The following TSHZ2 variants were observed in gnomAD, a reference collection of about 807,000 sequenced individuals.
The protein encoded by TSHZ2 is teashirt zinc finger homeobox 2, also known as teashirt homolog 2.
Under a neutral mutation model 74.4 loss-of-function variants are expected in TSHZ2, and 21 were observed. That is an observed-to-expected ratio of 0.28 (90% CI 0.20 to 0.41). The LOEUF (loss-of-function observed/expected upper bound fraction) is 0.41, where lower values mean the gene tolerates loss of function less well. Among genes scored for constraint, TSHZ2 ranks in the 10% least tolerant of loss-of-function variants. The pLI is 1.00. For missense variants in TSHZ2, 1,244 were observed against 1,293.5 expected, an observed-to-expected ratio of 0.96 and a Z score of 0.59; for synonymous variants, 540 against 515.3, an observed-to-expected ratio of 1.05 and a Z score of -0.65.
intron 2 of TSHZ2, among the ~76,000 whole-genome samples, chr20:53,418,730 G>A (rs1983361826): frequency 6.6e-6 from 1 of 152,114 alleles, no homozygotes; most frequent in African/African-American, 2.4e-5. Context: ...TTTCCTAAAT[G>A]AGAAGAGTCC....
chr20:53,390,364 C>T (rs1600601162), intron 2 of TSHZ2, among the ~76,000 whole-genome samples: 1 of 152,140 alleles, frequency 6.6e-6, no homozygotes, highest in East Asian at 1.9e-4. Context: ...TTTCTGTATA[C>T]ACTAGTGGTG....
intron 2 of TSHZ2, among the ~76,000 whole-genome samples, chr20:53,340,131 G>A (rs1207551554): frequency 6.6e-6 from 1 of 151,074 alleles, no homozygotes; most frequent in African/African-American, 2.4e-5. Context: ...GGGGGGAAGA[G>A]CAGCCAATGC....
intron 2 of TSHZ2, among the ~76,000 whole-genome samples, chr20:53,428,088 A>G (rs1019212060): frequency 6.6e-6 from 1 of 152,184 alleles, no homozygotes; most frequent in Admixed American, 6.5e-5. Context: ...CTCAGTCCAA[A>G]TCATTCTCCA....
intron 1 of TSHZ2, among the ~76,000 whole-genome samples, chr20:53,057,983 C>T (rs768583484): frequency 6.6e-6 from 1 of 152,044 alleles, no homozygotes; most frequent in Non-Finnish European, 1.5e-5. Flanking sequence ...TCATGGAGGA[C>T]GATTTTTCTA....
At chr20:53,106,172 G>A (rs1421790452) in intron 1 of TSHZ2, among the ~76,000 whole-genome samples, 1 of 151,946 alleles carries the variant, frequency 6.6e-6, no homozygotes, top group African/African-American at 2.4e-5. Flanking sequence ...CTGTGCAATA[G>A]AACACCAGAA....
chr20:53,245,236 A>G (rs1990174190), intron 1 of TSHZ2, among the ~76,000 whole-genome samples: 1 of 152,236 alleles, frequency 6.6e-6, no homozygotes, highest in Non-Finnish European at 1.5e-5. Flanking sequence ...GAAAGTTTTC[A>G]GTAATTTTCC....
At chr20:53,392,893 G>A (rs112872693) in intron 2 of TSHZ2, among the ~76,000 whole-genome samples, 1,646 of 152,124 alleles carry the variant, frequency 0.011, 34 homozygotes, top group African/African-American at 0.037. Context: ...GGAGCACAGC[G>A]GCATGATCTG....
chr20:53,412,176 C>T lies in TSHZ2; in HGVS notation c.*9-74968C>T, dbSNP rs372242120. Reference sequence around the variant, plus strand: ...CAGAGTCAGAAAAGTCAGGTTAACACGTCCGGTCCTGCTCTGGGCTGGAGG... The same window carrying T: ...CAGAGTCAGAAAAGTCAGGTTAACATGTCCGGTCCTGCTCTGGGCTGGAGG... On this transcript the variant is annotated intron_variant, in intron 2 of 2. Transcript: ENST00000371497. 7.9e-5 allele frequency among the ~76,000 whole-genome samples: 12 copies of T among 152,324 alleles called. No individual in the cohort carries two copies. In the East Asian group the frequency reaches 2.1e-3, roughly 27 times the overall value.
chr20:53,082,454 G>A (rs1288909640), intron 1 of TSHZ2, among the ~76,000 whole-genome samples: 1 of 152,198 alleles, frequency 6.6e-6, no homozygotes, highest in African/African-American at 2.4e-5. Context: ...TGTAGAACAC[G>A]CTGATTGCAT....
Position 53,463,380 on chromosome 20 carries a change from G to C in TSHZ2, c.*9-23764G>C, listed in dbSNP as rs534714556. Among the ~76,000 whole-genome samples, 83 of 68,636 alleles carry C rather than the reference G, an allele frequency of 1.2e-3. 1 individual carries two copies. The highest frequency in any genetic ancestry group is 4.9e-3 in the African/African-American group (78 of 16,068). 45.0% of individuals were successfully genotyped at this position (68,636 alleles called of 152,430 possible). On this transcript the variant is annotated intron_variant, in intron 2 of 2. Transcript: ENST00000371497. ...CCCTGTCTTGAAAGACAGAGAGAGA[G>C]AGGAAGGAAGGAAGGAAGGAAGGAA...
chr20:53,271,406 G>C (rs902595268), intron 2 of TSHZ2, among the ~76,000 whole-genome samples: 1 of 152,186 alleles, frequency 6.6e-6, no homozygotes, highest in Non-Finnish European at 1.5e-5. Context: ...CCCTGTATCA[G>C]GCATGTAGAA....
intron 2 of TSHZ2, among the ~76,000 whole-genome samples, chr20:53,277,781 T>A (rs896967397): frequency 6.6e-6 from 1 of 152,202 alleles, no homozygotes; most frequent in African/African-American, 2.4e-5. Flanking sequence ...CTTGGAGAAT[T>A]GGATGCTGTC....
intron 1 of TSHZ2, among the ~76,000 whole-genome samples, chr20:53,083,218 G>T (rs763307465): frequency 6.6e-6 from 1 of 152,100 alleles, no homozygotes; most frequent in East Asian, 1.9e-4. Context: ...CTGTGCAATC[G>T]TCCAACCAAT....
chr20:53,458,266 C>G (rs1251426644), intron 2 of TSHZ2, among the ~76,000 whole-genome samples: 1 of 149,534 alleles, frequency 6.7e-6, no homozygotes, highest in Non-Finnish European at 1.5e-5. Flanking sequence ...AGAGATTCAA[C>G]TTCTTCCTGG....
At chr20:53,233,098 C>T (rs1600757083) in intron 1 of TSHZ2, among the ~76,000 whole-genome samples, 1 of 150,078 alleles carries the variant, frequency 6.7e-6, no homozygotes, top group South Asian at 2.1e-4. Flanking sequence ...GAAATAGCTT[C>T]CAACTGCCCC....
intron 1 of TSHZ2, among the ~76,000 whole-genome samples, chr20:53,171,703 TTTG>T (rs755142466): frequency 1.4e-4 from 22 of 152,144 alleles, no homozygotes; most frequent in Non-Finnish European, 2.6e-4. Context: ...TAAAAATAAT[TTTG>T]TTGACTTTTC....
chr20:52,994,720 G>A (rs1600635687), intron 1 of TSHZ2, among the ~76,000 whole-genome samples: 1 of 152,234 alleles, frequency 6.6e-6, no homozygotes, highest in Non-Finnish European at 1.5e-5. Flanking sequence ...AAGTTCTCCA[G>A]ATTTTTCCCT....
At chr20:53,337,382 T>C (rs973791257) in intron 2 of TSHZ2, among the ~76,000 whole-genome samples, 2 of 152,204 alleles carry the variant, frequency 1.3e-5, no homozygotes, top group African/African-American at 4.8e-5. Context: ...AAGGGTGCCA[T>C]GATTTTTTTA....
At chr20:53,113,304 CTCTT>C (rs1445371085) in intron 1 of TSHZ2, among the ~76,000 whole-genome samples, 2 of 152,128 alleles carry the variant, frequency 1.3e-5, no homozygotes, top group Admixed American at 6.5e-5. Context: ...CTTTTTTCTT[CTCTT>C]TCTTTCTAGA....
Sources: gnomAD v4.1 joint callset for allele counts (sites outside exome capture counted in the v4.1 genomes callset) on GRCh38, gnomAD v4.1.1 for gene constraint, MANE v1.5 for transcripts, NCBI Gene and HGNC (gene_info 2026-07-23, HGNC 2026-07-21) for gene names.